The following FGF12 variants were observed in gnomAD, a reference collection of about 807,000 sequenced individuals.
The protein encoded by FGF12 is fibroblast growth factor 12, also known as fibroblast growth factor 12B.
Under a neutral mutation model 23.6 loss-of-function variants are expected in FGF12, and 14 were observed. That is an observed-to-expected ratio of 0.59 (90% CI 0.39 to 0.93). FGF12 has a LOEUF of 0.93. Among genes scored for constraint, FGF12 ranks in the 40% least tolerant of loss-of-function variants. The pLI, the probability that FGF12 is intolerant of heterozygous loss-of-function variation, is 0.00. For missense variants in FGF12, 175 were observed against 217.8 expected (o/e 0.80, Z 1.24); for synonymous variants, 62 against 77.3 (o/e 0.80, Z 1.04).
intron 2 of FGF12, among the ~76,000 whole-genome samples, chr3:192,575,305 A>G (rs560580404): frequency 6.6e-6 from 1 of 152,378 alleles, no homozygotes; most frequent in South Asian, 2.1e-4. Context: ...CAAATTGTAC[A>G]TTTTAATTGT....
chr3:192,655,432 C>T (rs1189012974), intron 2 of FGF12, among the ~76,000 whole-genome samples: 2 of 152,118 alleles, frequency 1.3e-5, no homozygotes, highest in Admixed American at 6.5e-5. Context: ...TAGACCATGA[C>T]TTGACCTTGA....
chr3:192,229,548 T>C (rs1422136558), intron 4 of FGF12, among the ~76,000 whole-genome samples: 1 of 152,094 alleles, frequency 6.6e-6, no homozygotes, highest in Non-Finnish European at 1.5e-5. Flanking sequence ...TTTAGAGTAC[T>C]GCTACCAGGT....
intron 2 of FGF12, among the ~76,000 whole-genome samples, chr3:192,431,861 T>C (rs1289521476): frequency 2.0e-5 from 3 of 152,228 alleles, no homozygotes; most frequent in Admixed American, 6.5e-5. Context: ...GGTCATTTAA[T>C]AGGAAGCACA....
chr3:192,679,592 C>A (rs1463101052), intron 2 of FGF12, among the ~76,000 whole-genome samples: 2 of 151,684 alleles, frequency 1.3e-5, no homozygotes, highest in Non-Finnish European at 2.9e-5. Flanking sequence ...GGTGACAGAG[C>A]AGGACCCTTT....
intron 2 of FGF12, among the ~76,000 whole-genome samples, chr3:192,488,979 T>A (rs1444464222): frequency 2.0e-5 from 3 of 152,192 alleles, no homozygotes; most frequent in Admixed American, 1.3e-4. Flanking sequence ...TTGGATCTGT[T>A]AGCCTTATGA....
chr3:192,328,437 A>G (rs1716931141), intron 4 of FGF12, among the ~76,000 whole-genome samples: 2 of 152,160 alleles, frequency 1.3e-5, no homozygotes, highest in Non-Finnish European at 2.9e-5. Flanking sequence ...GCGACACTTC[A>G]TGTGTATTAT....
intron 2 of FGF12, among the ~76,000 whole-genome samples, chr3:192,392,953 A>T (rs548704696): frequency 6.6e-6 from 1 of 152,324 alleles, no homozygotes; most frequent in Non-Finnish European, 1.5e-5. Context: ...TTGCTTTTTA[A>T]TTCTACCTAT....
chr3:192,309,643 A>C (rs1715833207), intron 4 of FGF12, among the ~76,000 whole-genome samples: 1 of 152,174 alleles, frequency 6.6e-6, no homozygotes, highest in South Asian at 2.1e-4. Flanking sequence ...TTCATGGTGG[A>C]GGTATACTGG....
intron 2 of FGF12, among the ~76,000 whole-genome samples, chr3:192,500,576 C>T (rs1724106296): frequency 6.6e-6 from 1 of 152,162 alleles, no homozygotes; most frequent in African/African-American, 2.4e-5. Context: ...CATTTACTGC[C>T]CAATTGCTTC....
At chr3:192,457,337 G>A (rs1160208775) in intron 2 of FGF12, among the ~76,000 whole-genome samples, 2 of 152,206 alleles carry the variant, frequency 1.3e-5, no homozygotes, top group Non-Finnish European at 2.9e-5. Flanking sequence ...ACTTTGTAGG[G>A]TTCAGAAGAA....
intron 2 of FGF12, among the ~76,000 whole-genome samples, chr3:192,627,123 G>A (rs995352958): frequency 1.3e-5 from 2 of 152,148 alleles, no homozygotes; most frequent in African/African-American, 4.8e-5. Flanking sequence ...GTATTCCTTT[G>A]CACAGATAAC....
rs55809400 is a variant in FGF12 at position 192,645,767 on chromosome 3, TAAAAAAAAAAAAAA to T, written c.13+81400_13+81413del. ...AGGATACAGCAGTTGACAAAACAGG[TAAAAAAAAAAAAAA>T]AAAAAAAAAAAAAAGTCTAGCTTTC... is the stretch of plus-strand genomic sequence containing the variant. On this transcript the variant is annotated intron_variant, in intron 2 of 5. Transcript: ENST00000445105. 2.6e-3 allele frequency among the ~76,000 whole-genome samples: 184 copies of T among 71,070 alleles called. 1 individual carries two copies. The highest frequency in any genetic ancestry group is 8.7e-3 in the African/African-American group (173 of 19,794). 46.6% of individuals were successfully genotyped at this position (71,070 alleles called of 152,430 possible).
chr3:192,252,539 G>T (rs62292824), intron 4 of FGF12, among the ~76,000 whole-genome samples: 2,256 of 106,504 alleles, frequency 0.021, 32 homozygotes, highest in Middle Eastern at 0.093. Flanking sequence ...GACAAGAAAA[G>T]AAAAGTCTTC....
chr3:192,412,354 A>G (rs933164554), intron 2 of FGF12, among the ~76,000 whole-genome samples: 2 of 152,200 alleles, frequency 1.3e-5, no homozygotes, highest in African/African-American at 2.4e-5. Flanking sequence ...AGTTATGAGG[A>G]AAGATGAAAA....
At chr3:192,173,587 T>C (rs1330496357) in intron 4 of FGF12, among the ~76,000 whole-genome samples, 1 of 152,204 alleles carries the variant, frequency 6.6e-6, no homozygotes, top group Non-Finnish European at 1.5e-5. Flanking sequence ...TTTTAATTCA[T>C]TTTCTTTTAA....
chr3:192,244,611 T>G (rs544515356), intron 4 of FGF12, among the ~76,000 whole-genome samples: 1 of 152,336 alleles, frequency 6.6e-6, no homozygotes, highest in East Asian at 1.9e-4. Flanking sequence ...ATTGTTCAAT[T>G]TATCTTGTAT....
intron 2 of FGF12, among the ~76,000 whole-genome samples, chr3:192,545,171 A>G (rs1030682671): frequency 6.6e-6 from 1 of 152,188 alleles, no homozygotes; most frequent in Admixed American, 6.5e-5. Context: ...TGCCTGGGGA[A>G]TCAAATACTA....
At chr3:192,266,828 AC>A (rs1482231778) in intron 4 of FGF12, among the ~76,000 whole-genome samples, 1 of 151,798 alleles carries the variant, frequency 6.6e-6, no homozygotes, top group Non-Finnish European at 1.5e-5. Flanking sequence ...ACACACATAC[AC>A]TACCTCACAC....
rs1029214433 is a variant in FGF12 at position 192,725,277 on chromosome 3, T to C, written c.13+1904A>G. ...CAGGAACTAACATGCATAAAGACTTTCATCATGTTTTTTTTTTTTTTCAGA... is the reference window on the plus strand; with the variant it reads ...CAGGAACTAACATGCATAAAGACTTCCATCATGTTTTTTTTTTTTTTCAGA... On this transcript the variant is annotated intron_variant, in intron 2 of 5. Coordinates refer to ENST00000445105, the MANE Select transcript of FGF12 (RefSeq NM_004113.6). Among the ~76,000 whole-genome samples, 22 of 142,982 alleles carry C rather than the reference T, an allele frequency of 1.5e-4. No individual in the cohort carries two copies. The East Asian group carries it at 3.1e-3, about 20-fold the overall frequency. The allele number at this position is 142,982 out of a possible 152,430, so 93.8% of individuals were successfully genotyped here. A position where few individuals can be genotyped will look rare whatever the true frequency, so the allele number is the denominator to read the frequency against.
Sources: gnomAD v4.1 joint callset for allele counts (sites outside exome capture counted in the v4.1 genomes callset) on GRCh38, gnomAD v4.1.1 for gene constraint, MANE v1.5 for transcripts, NCBI Gene and HGNC (gene_info 2026-07-23, HGNC 2026-07-21) for gene names.